BAZ2B: variants seen among roughly 807,000 people sequenced by gnomAD.
BAZ2B encodes the protein bromodomain adjacent to zinc finger domain 2B, also known as bromodomain adjacent to zinc finger domain protein 2B.
BAZ2B carries 91 observed loss-of-function variants against 246.0 expected under a neutral mutation model. The observed-to-expected ratio is 0.37, with a 90% CI of 0.31 to 0.44. The LOEUF (loss-of-function observed/expected upper bound fraction) is 0.44, where lower values mean the gene tolerates loss of function less well. Ranked by LOEUF, BAZ2B falls within the 20% of genes least tolerant of loss-of-function variation. BAZ2B has a pLI of 1.00. For synonymous variants in BAZ2B, 855 were observed against 860.0 expected (o/e 0.99, Z 0.10); for missense variants, 2,332 against 2,533.7 (o/e 0.92, Z 1.71).
At chr2:159,599,386 A>C in intron 1 of BAZ2B, among the ~76,000 whole-genome samples, 1 of 152,080 alleles carries the variant, frequency 6.6e-6, no homozygotes, top group East Asian at 1.9e-4. Flanking sequence ...TGGAAGGCTG[A>C]GGCAGGCGGA....
chr2:159,327,957 T>C (rs1368105758), intron 34 of BAZ2B, among the ~76,000 whole-genome samples: 2 of 150,774 alleles, frequency 1.3e-5, no homozygotes, highest in African/African-American at 2.4e-5. Flanking sequence ...CTCAGCTACT[T>C]AGGAGGTTGA....
At chr2:159,692,838 T>C in the BAZ2B span, among the ~76,000 whole-genome samples, 2 of 152,222 alleles carry the variant, frequency 1.3e-5, no homozygotes, top group Non-Finnish European at 1.5e-5. Context: ...ACCAAGGCTG[T>C]AGCACAATGG....
At chr2:159,649,824 A>G in the BAZ2B span, among the ~76,000 whole-genome samples, 3 of 152,108 alleles carry the variant, frequency 2.0e-5, no homozygotes, top group Non-Finnish European at 4.4e-5. Flanking sequence ...CAAATATATT[A>G]TGCTATATTT....
At chr2:159,541,020 C>A (rs1372354568) in intron 2 of BAZ2B, among the ~76,000 whole-genome samples, 2 of 152,136 alleles carry the variant, frequency 1.3e-5, no homozygotes, top group African/African-American at 4.8e-5. Context: ...CATCAGGTCA[C>A]AGAAACTTCA....
chr2:159,545,570 T>A (rs1405799191), intron 2 of BAZ2B, among the ~76,000 whole-genome samples: 1 of 151,914 alleles, frequency 6.6e-6, no homozygotes, highest in East Asian at 1.9e-4. Flanking sequence ...GCAAAAAATG[T>A]CACTAATTTT....
chr2:159,525,622 G>T (rs534071004), intron 2 of BAZ2B, among the ~76,000 whole-genome samples: 1 of 152,016 alleles, frequency 6.6e-6, no homozygotes, highest in African/African-American at 2.4e-5. Context: ...ATATTCCAAA[G>T]TCTGAAAAAA....
chr2:159,462,412 T>C (rs1306349493), intron 3 of BAZ2B: 2 of 1,274,786 alleles, frequency 1.6e-6, no homozygotes, highest in Non-Finnish European at 2.3e-6. Context: ...CTGCATTTCT[T>C]TGCTAATGTT....
intron 3 of BAZ2B, chr2:159,458,890 A>G (rs901309483): frequency 2.0e-5 from 3 of 152,162 alleles, no homozygotes; most frequent in African/African-American, 7.2e-5. Flanking sequence ...CCAGGATTTT[A>G]GATCTTTGAG....
chr2:159,370,799 T>C (rs1234201164), intron 27 of BAZ2B, among the ~76,000 whole-genome samples: 1 of 152,174 alleles, frequency 6.6e-6, no homozygotes, highest in East Asian at 1.9e-4. Flanking sequence ...TAAAGTATCA[T>C]TCATTTATTT....
the BAZ2B span, among the ~76,000 whole-genome samples, chr2:159,680,712 T>A: frequency 6.6e-6 from 1 of 152,188 alleles, no homozygotes; most frequent in Non-Finnish European, 1.5e-5. Context: ...AGGACAGGAA[T>A]AATATATATT....
intron 2 of BAZ2B, among the ~76,000 whole-genome samples, chr2:159,539,299 T>C (rs1358850818): frequency 3.9e-5 from 6 of 152,234 alleles, no homozygotes; most frequent in African/African-American, 1.4e-4. Flanking sequence ...AAGAACATAA[T>C]GCTTATTAAA....
chr2:159,600,663 C>T (rs1466108338), intron 1 of BAZ2B, among the ~76,000 whole-genome samples: 5 of 152,146 alleles, frequency 3.3e-5, no homozygotes, highest in Non-Finnish European at 1.5e-5. Flanking sequence ...ATTCTATATG[C>T]ATATGCCCTA....
chr2:159,641,141 C>G, the BAZ2B span, among the ~76,000 whole-genome samples: 157 of 152,246 alleles, frequency 1.0e-3, no homozygotes, highest in Non-Finnish European at 1.9e-3. Context: ...TGATTTATAG[C>G]CACACTGTCT....
At chr2:159,611,412 T>G (rs1373835454) in intron 1 of BAZ2B, among the ~76,000 whole-genome samples, 1 of 152,032 alleles carries the variant, frequency 6.6e-6, no homozygotes, top group South Asian at 2.1e-4. Flanking sequence ...ATGATTTTCT[T>G]TTTAAGGAGT....
In BAZ2B at chr2:159,432,973, GACTAT is replaced by G. The variant is rs768754083; in HGVS notation, c.1679_1683del (p.His560ProfsTer8). 10 of 1,614,092 alleles carry G rather than the reference GACTAT, an allele frequency of 6.2e-6. No homozygotes were observed. The highest frequency in any genetic ancestry group is 5.3e-5 in the African/African-American group (4 of 75,018). On this transcript the variant is annotated frameshift_variant, in exon 9 of 37. Coordinates refer to ENST00000392783, the MANE Select transcript of BAZ2B (RefSeq NM_013450.4). LOFTEE classifies it high-confidence loss of function. The stretch of plus-strand genomic sequence containing the variant: ...TTGCTAACTGCTTTTTCCTTCCCTT[GACTAT>G]GCAGGATGGGAGAGGCAGAGGGCAT...
At position 159,344,181 on chromosome 2, in the gene BAZ2B, A is replaced by C. The variant is rs928367541; in HGVS notation, c.5454+3305T>G. Among the ~76,000 whole-genome samples the C allele has an allele frequency of 5.3e-5, 8 of 152,152 alleles. No homozygotes were observed. In the South Asian group the frequency reaches 8.3e-4, roughly 16 times the overall value. On this transcript the variant is annotated intron_variant, in intron 31 of 36. Coordinates refer to ENST00000392783, the MANE Select transcript of BAZ2B (RefSeq NM_013450.4). ...TCCTCAAGAAACTACAAATAGAGCT[A>C]TCATATGATCCAGCAATCCTACTAC...
intron 2 of BAZ2B, among the ~76,000 whole-genome samples, chr2:159,527,846 A>C (rs1050379316): frequency 6.6e-6 from 1 of 152,166 alleles, no homozygotes; most frequent in Non-Finnish European, 1.5e-5. Context: ...AGTGCACCTG[A>C]CTTACCCAGG....
chr2:159,481,291 T>C (rs1294022740), intron 2 of BAZ2B, among the ~76,000 whole-genome samples: 6 of 152,014 alleles, frequency 3.9e-5, no homozygotes, highest in African/African-American at 1.2e-4. Flanking sequence ...AATTGTGAAA[T>C]TGTATAACTG....
At chr2:159,351,425 C>G (rs2058551959) in intron 27 of BAZ2B, among the ~76,000 whole-genome samples, 1 of 151,830 alleles carries the variant, frequency 6.6e-6, no homozygotes, top group Non-Finnish European at 1.5e-5. Context: ...TAAATAATGA[C>G]CTTTTATCTG....
Sources: gnomAD v4.1 joint callset for allele counts (sites outside exome capture counted in the v4.1 genomes callset) on GRCh38, gnomAD v4.1.1 for gene constraint, MANE v1.5 for transcripts, NCBI Gene and HGNC (gene_info 2026-07-23, HGNC 2026-07-21) for gene names.